Variants in FOCAD observed in about 807,000 individuals in gnomAD.
FOCAD encodes KIAA1797.
Under a neutral mutation model 225.6 loss-of-function variants are expected in FOCAD, and 198 were observed. The observed-to-expected ratio is 0.88, with a 90% CI of 0.78 to 0.99. The LOEUF is 0.99. Ranked by LOEUF, FOCAD falls within the 50% of genes least tolerant of loss-of-function variation. FOCAD has a pLI of 0.00. For missense variants in FOCAD, 2,713 were observed against 2,123.6 expected (o/e 1.28, Z -5.46); for synonymous variants, 897 against 755.0 (o/e 1.19, Z -3.08).
chr9:20,948,529 C>T, intron 31 of FOCAD, 136 bp downstream of exon 31: 1 of 965,150 alleles, frequency 1.0e-6, no homozygotes, highest in African/African-American at 1.7e-5. Context: ...AAAGAGATCA[C>T]ATACTTTTAA....
In FOCAD at chr9:20,796,821, T is replaced by G. The variant is rs540507427; in HGVS notation, c.1455+7213T>G. On this transcript the variant is annotated intron_variant, in intron 11 of 43. Coordinates refer to ENST00000338382, the MANE Select transcript of FOCAD (RefSeq NM_001375567.1). ...CTGTGCAGAAGCTCTTTAGTTCAAT[T>G]AGATCCCATTTGTCAATTTTGGCTT... Among the ~76,000 whole-genome samples the G allele has an allele frequency of 2.1e-3, 319 of 151,788 alleles. 2 individuals carry two copies. Among genetic ancestry groups the G allele is most frequent in the African/African-American group, 7.2e-3 (299 of 41,390 alleles).
chr9:20,866,917 T>TTTAAACAAA lies in FOCAD; in HGVS notation c.2107-12_2107-11insTTAAACAAA. 2.6e-6 allele frequency: 2 copies of TTTAAACAAA among 764,972 alleles called. No homozygotes were observed. The highest frequency in any genetic ancestry group is 4.0e-6 in the Non-Finnish European group (2 of 498,468). The allele number at this position is 764,972 out of a possible 1,614,324, so 47.4% of individuals were successfully genotyped here. A position where few individuals can be genotyped will look rare whatever the true frequency, so the allele number is the denominator to read the frequency against. On this transcript the variant is annotated splice_polypyrimidine_tract_variant and intron_variant, in intron 17 of 43. Coordinates refer to ENST00000338382, the MANE Select transcript of FOCAD (RefSeq NM_001375567.1). ...TTTTTTTTTTTTTTTTTTTTTTTTT[T>TTTAAACAAA]ACCCTATCTAGGACCCAATTGTAGC...
chr9:20,865,994 G>A lies in FOCAD; in HGVS notation c.2106+18G>A. ...AAAACAAGGTACTATCACAAGGCTT[G>A]TCAGTGAATCAGAACAAAGCTAAGG... On this transcript the variant is annotated intron_variant, in intron 17 of 43. Coordinates refer to ENST00000338382, the MANE Select transcript of FOCAD (RefSeq NM_001375567.1). The A allele has an allele frequency of 6.3e-7, 1 of 1,594,584 alleles. No individual in the cohort carries two copies. Among genetic ancestry groups the A allele is most frequent in the Non-Finnish European group, 8.6e-7 (1 of 1,168,728 alleles).
intron 18 of FOCAD, among the ~76,000 whole-genome samples, chr9:20,867,404 G>T (rs756915028): frequency 9.9e-5 from 15 of 151,910 alleles, no homozygotes; most frequent in Non-Finnish European, 1.3e-4. Context: ...GATGCCATAT[G>T]AAAAAATCTG....
intron 18 of FOCAD, among the ~76,000 whole-genome samples, chr9:20,868,196 A>C (rs569543201): frequency 1.3e-5 from 2 of 152,272 alleles, no homozygotes; most frequent in Admixed American, 6.5e-5. Context: ...AAAAAGCTAC[A>C]TGTAAATTTC....
At chr9:20,741,384 G>A (rs1827601113) in intron 5 of FOCAD, among the ~76,000 whole-genome samples, 1 of 152,016 alleles carries the variant, frequency 6.6e-6, no homozygotes, top group South Asian at 2.1e-4. Flanking sequence ...CTGTGTCGTG[G>A]TATATCTCAT....
At chr9:20,916,830 AAG>A in intron 23 of FOCAD, 61 bp from the exon 24 acceptor site, 1 of 1,456,830 alleles carries the variant, frequency 6.9e-7, no homozygotes, top group Non-Finnish European at 9.4e-7. Flanking sequence ...ATTGATGAAA[AAG>A]AGAAAGGAAT....
chr9:20,941,670 T>C (rs1406215831), intron 28 of FOCAD, among the ~76,000 whole-genome samples: 1 of 152,254 alleles, frequency 6.6e-6, no homozygotes, highest in Non-Finnish European at 1.5e-5. Context: ...GTATGGAATT[T>C]AAAAACTCAA....
intron 15 of FOCAD, among the ~76,000 whole-genome samples, chr9:20,851,723 T>C (rs1290029534): frequency 6.6e-6 from 1 of 151,842 alleles, no homozygotes; most frequent in Non-Finnish European, 1.5e-5. Flanking sequence ...CAAGTGTACA[T>C]TAAAGTTAAA....
At chr9:20,967,824 G>T (rs7021253) in intron 35 of FOCAD, among the ~76,000 whole-genome samples, 54,077 of 151,794 alleles carry the variant, frequency 0.36, 9,853 homozygotes, top group East Asian at 0.46. Flanking sequence ...GGGATAAATC[G>T]TGTTTGATCA....
chr9:20,697,658 CCT>C (rs1411721517), intron 1 of FOCAD, among the ~76,000 whole-genome samples: 22 of 152,230 alleles, frequency 1.4e-4, no homozygotes, highest in African/African-American at 5.3e-4. Context: ...CGTTTAAAGA[CCT>C]CTCTAAAATT....
chr9:20,954,836 A>T (rs1431761644), intron 35 of FOCAD, among the ~76,000 whole-genome samples: 1 of 152,200 alleles, frequency 6.6e-6, no homozygotes, highest in African/African-American at 2.4e-5. Flanking sequence ...CACATTACTA[A>T]TGATGACCCC....
intron 11 of FOCAD, among the ~76,000 whole-genome samples, chr9:20,801,784 C>G (rs1398963843): frequency 6.6e-6 from 1 of 152,114 alleles, no homozygotes; most frequent in Non-Finnish European, 1.5e-5. Flanking sequence ...CAGTCACACA[C>G]AGTCACAATT....
intron 5 of FOCAD, among the ~76,000 whole-genome samples, chr9:20,741,306 C>A (rs924878358): frequency 3.3e-5 from 5 of 152,054 alleles, no homozygotes; most frequent in African/African-American, 1.2e-4. Flanking sequence ...CTATCACTTA[C>A]CTGTATTTAT....
Position 20,948,313 on chromosome 9 carries a change from T to C in FOCAD, c.3718T>C (p.Leu1240=), listed in dbSNP as rs1487124955. 1 of 1,612,342 alleles carries C rather than the reference T, an allele frequency of 6.2e-7. No homozygotes were observed. Among genetic ancestry groups the C allele is most frequent in the African/African-American group, 1.3e-5 (1 of 74,818 alleles). Residue 1240 remains leucine, a synonymous_variant, in exon 31 of 44, where the codon TTG becomes CTG. Coordinates refer to ENST00000338382, the MANE Select transcript of FOCAD (RefSeq NM_001375567.1). The part of the protein sequence containing the change: ...ALALGNIVHG[L]SVCGHGKAED... ...GGCTTTAGGAAACATAGTTCATGGA[T>C]TGTCTGTGTGTGGACATGGAAAAGC...
rs5896913 is a variant in FOCAD at position 20,788,595 on chromosome 9, AGTCT to A, written c.1198-752_1198-749del. On this transcript the variant is annotated intron_variant, in intron 10 of 43. Transcript: ENST00000338382. ...AGACAGTTATAATCCAGAGATTTCCAGTCTGTCACAAAGCACTATACATGATTTG... is the reference window on the plus strand; with the variant it reads ...AGACAGTTATAATCCAGAGATTTCCAGTCACAAAGCACTATACATGATTTG... Among the ~76,000 whole-genome samples, 262 of 152,310 alleles carry A rather than the reference AGTCT, an allele frequency of 1.7e-3. 3 individuals are homozygous for A. In the East Asian group the frequency reaches 0.043, roughly 25 times the overall value.
rs1164264867 is a variant in FOCAD, at chr9:20,920,852, T to C, written c.2853-2808T>C. Among the ~76,000 whole-genome samples the C allele has an allele frequency of 4.0e-5, 6 of 151,062 alleles. No homozygotes were observed. In the East Asian group the frequency reaches 5.9e-4, roughly 15 times the overall value. On this transcript the variant is annotated intron_variant, in intron 24 of 43. Transcript: ENST00000338382. ...TGGGGAGGGATAGCATTAGGAGATATACCTAATGCTAAATGACGAGTTAGT... is the reference window on the plus strand; with the variant it reads ...TGGGGAGGGATAGCATTAGGAGATACACCTAATGCTAAATGACGAGTTAGT...
At chr9:20,978,830 A>G (rs1443583936) in intron 37 of FOCAD, among the ~76,000 whole-genome samples, 2 of 152,302 alleles carry the variant, frequency 1.3e-5, no homozygotes, top group East Asian at 3.9e-4. Context: ...TATGTACCGG[A>G]CTTATCCATG....
intron 23 of FOCAD, among the ~76,000 whole-genome samples, chr9:20,916,256 A>G (rs917823011): frequency 1.3e-5 from 2 of 152,170 alleles, no homozygotes; most frequent in Admixed American, 6.5e-5. Flanking sequence ...TTCATATTGA[A>G]AATTCTATAT....
Sources: gnomAD v4.1 joint callset for allele counts (sites outside exome capture counted in the v4.1 genomes callset) on GRCh38, gnomAD v4.1.1 for gene constraint, MANE v1.5 for transcripts, NCBI Gene and HGNC (gene_info 2026-07-23, HGNC 2026-07-21) for gene names.